NTM: variants seen among roughly 807,000 people sequenced by gnomAD.
NTM encodes neurotrimin.
NTM carries 13 observed loss-of-function variants against 42.1 expected under a neutral mutation model. The observed-to-expected ratio is 0.31, with a 90% confidence interval of 0.20 to 0.49. The LOEUF (loss-of-function observed/expected upper bound fraction) is 0.49, where lower values mean the gene tolerates loss of function less well. NTM is among the 20% of genes least tolerant of loss of function. NTM has a pLI of 0.99. For synonymous variants in NTM, 187 were observed against 179.2 expected (o/e 1.04, Z -0.35); for missense variants, 373 against 452.8 (o/e 0.82, Z 1.60).
chr11:131,695,272 C>A (rs1429741020), intron 1 of NTM, among the ~76,000 whole-genome samples: 1 of 151,860 alleles, frequency 6.6e-6, no homozygotes, highest in Admixed American at 6.6e-5. Context: ...ACCTGCACAC[C>A]TCTGGCTTGG....
At chr11:131,539,964 C>T (rs1490352802) in intron 1 of NTM, among the ~76,000 whole-genome samples, 3 of 152,294 alleles carry the variant, frequency 2.0e-5, no homozygotes, top group South Asian at 2.1e-4. Flanking sequence ...AAGGAACACA[C>T]GAAGTTCCAG....
chr11:131,983,128 A>G (rs1399390194), intron 2 of NTM, among the ~76,000 whole-genome samples: 3 of 152,072 alleles, frequency 2.0e-5, no homozygotes, highest in Non-Finnish European at 4.4e-5. Context: ...AATCTGCCTA[A>G]TATCTGAAAG....
chr11:131,579,546 G>C (rs1295130521), intron 1 of NTM, among the ~76,000 whole-genome samples: 1 of 152,156 alleles, frequency 6.6e-6, no homozygotes, highest in Non-Finnish European at 1.5e-5. Flanking sequence ...AAACAAAATA[G>C]AGCTTTTAAT....
chr11:131,443,087 C>T (rs1202292432), intron 1 of NTM, among the ~76,000 whole-genome samples: 1 of 152,086 alleles, frequency 6.6e-6, no homozygotes, highest in Non-Finnish European at 1.5e-5. Context: ...ATATTCTTAC[C>T]TGTTTCCATC....
rs1158377486 is a variant in NTM, at chr11:131,681,224, T to C, written c.83-230340T>C. 3.2e-5 allele frequency among the ~76,000 whole-genome samples: 2 copies of C among 62,600 alleles called. 1 individual carries two copies. Among genetic ancestry groups the C allele is most frequent in the Non-Finnish European group, 7.9e-5 (2 of 25,242 alleles). 41.1% of individuals were successfully genotyped at this position (62,600 alleles called of 152,430 possible). On this transcript the variant is annotated intron_variant, in intron 1 of 8. Coordinates refer to ENST00000683400, the MANE Select transcript of NTM (RefSeq NM_001352005.2). ...GAGTGTGTGTTTCTGTGTCTGTGTG[T>C]ATGTCTCCCTGTGTATGTGAGCGTG...
intron 1 of NTM, among the ~76,000 whole-genome samples, chr11:131,463,441 G>A (rs540023315): frequency 8.5e-5 from 13 of 152,366 alleles, no homozygotes; most frequent in Non-Finnish European, 4.4e-5. Context: ...ACAGCTGAGA[G>A]GTGCAGCTTG....
At chr11:131,459,133 G>C (rs1394559305) in intron 1 of NTM, among the ~76,000 whole-genome samples, 1 of 152,224 alleles carries the variant, frequency 6.6e-6, no homozygotes, top group African/African-American at 2.4e-5. Flanking sequence ...CCTCCCACAT[G>C]GGGGTGCAGA....
At chr11:131,946,069 A>G (rs549246281) in intron 2 of NTM, among the ~76,000 whole-genome samples, 2 of 152,328 alleles carry the variant, frequency 1.3e-5, no homozygotes, top group South Asian at 4.1e-4. Flanking sequence ...AGCCAGATTC[A>G]GTCCAGAAGG....
chr11:131,581,576 T>TATA (rs998060485), intron 1 of NTM, among the ~76,000 whole-genome samples: 3 of 152,054 alleles, frequency 2.0e-5, no homozygotes, highest in African/African-American at 7.3e-5. Context: ...AGGGGTACTT[T>TATA]ATAGAGTTCA....
intron 4 of NTM, among the ~76,000 whole-genome samples, chr11:132,305,842 G>C (rs1180124478): frequency 6.6e-6 from 1 of 152,184 alleles, no homozygotes; most frequent in African/African-American, 2.4e-5. Context: ...GTCTATTTGG[G>C]TTAATGTTGT....
At chr11:132,160,653 G>A (rs1401964190) in intron 3 of NTM, among the ~76,000 whole-genome samples, 1 of 152,204 alleles carries the variant, frequency 6.6e-6, no homozygotes, top group Non-Finnish European at 1.5e-5. Flanking sequence ...TAGGGAGAGA[G>A]CTGGGCTGAA....
At chr11:131,695,376 G>A (rs2075321496) in intron 1 of NTM, among the ~76,000 whole-genome samples, 1 of 152,140 alleles carries the variant, frequency 6.6e-6, no homozygotes, top group Non-Finnish European at 1.5e-5. Context: ...TTTCCTGAAC[G>A]AATGACTTTA....
chr11:132,283,765 A>G (rs779086735), intron 4 of NTM, among the ~76,000 whole-genome samples: 13 of 152,258 alleles, frequency 8.5e-5, no homozygotes, highest in Non-Finnish European at 1.5e-4. Flanking sequence ...AGGGGAGGCT[A>G]AGATGGGCAA....
At chr11:132,333,754 T>C (rs1411287009) in intron 8 of NTM, among the ~76,000 whole-genome samples, 2 of 152,156 alleles carry the variant, frequency 1.3e-5, no homozygotes, top group Non-Finnish European at 2.9e-5. Context: ...ACCTATTGCA[T>C]TTCAATCTCA....
chr11:131,647,392 C>T (rs7943811), intron 1 of NTM, among the ~76,000 whole-genome samples: 4,422 of 152,242 alleles, frequency 0.029, 212 homozygotes, highest in African/African-American at 0.099. Flanking sequence ...GGGATGGCTT[C>T]GCAATGGGCA....
Position 131,619,273 on chromosome 11 carries a change from T to G in NTM, c.82+248385T>G, listed in dbSNP as rs532944402. On this transcript the variant is annotated intron_variant, in intron 1 of 8. Coordinates refer to ENST00000683400, the MANE Select transcript of NTM (RefSeq NM_001352005.2). Reference sequence around the variant, plus strand: ...CCATGGTTATCAAGGAAGTTTCCTTTCTCCTTGCACCATAAAATAATAGGG... The same window carrying G: ...CCATGGTTATCAAGGAAGTTTCCTTGCTCCTTGCACCATAAAATAATAGGG... Among the ~76,000 whole-genome samples, 112 of 152,326 alleles carry G rather than the reference T, an allele frequency of 7.4e-4. 1 individual carries two copies. Among genetic ancestry groups the G allele is most frequent in the Middle Eastern group, 3.4e-3 (1 of 294 alleles).
rs2069720973 is a variant in NTM at position 132,003,083 on chromosome 11, A to G, written c.167+91435A>G. ...ACTAAACAGTAAGATGCGCTGCCAC[A>G]GTTGTGTGTGTAATTGACTTTTATA... On this transcript the variant is annotated intron_variant, in intron 2 of 8. Transcript: ENST00000683400. The surrounding 1 kb of genome is among the most constrained non-coding windows in gnomAD (Gnocchi z 6.0). Among the ~76,000 whole-genome samples the G allele has an allele frequency of 1.3e-5, 2 of 152,090 alleles. No individual in the cohort carries two copies. Among genetic ancestry groups the G allele is most frequent in the South Asian group, 4.1e-4 (2 of 4,824 alleles).
chr11:131,749,112 G>A (rs962823085), intron 1 of NTM, among the ~76,000 whole-genome samples: 1 of 152,220 alleles, frequency 6.6e-6, no homozygotes, highest in African/African-American at 2.4e-5. Flanking sequence ...CACTGGAGAA[G>A]CTACAACAGA....
intron 1 of NTM, among the ~76,000 whole-genome samples, chr11:131,621,841 AAAGG>A (rs1355438737): frequency 6.6e-6 from 1 of 151,264 alleles, no homozygotes; most frequent in Admixed American, 6.6e-5. Context: ...AAAAAAAAAA[AAAGG>A]AAGCTACAGA....
Sources: allele counts gnomAD v4.1 joint callset (sites outside exome capture counted in the v4.1 genomes callset), GRCh38; gene constraint gnomAD v4.1.1; non-coding constraint Gnocchi (gnomAD v3.1); transcripts MANE v1.5; gene names NCBI Gene and HGNC (gene_info 2026-07-23, HGNC 2026-07-21).